The following LDB1 variants were observed in gnomAD, a reference collection of about 807,000 sequenced individuals.
LDB1 encodes LIM domain-binding protein 1.
A neutral mutation model predicts 49.7 loss-of-function variants in LDB1; 6 were observed. The observed-to-expected ratio is 0.12, with a 90% CI of 0.07 to 0.24. The LOEUF is 0.24. Among genes scored for constraint, LDB1 ranks in the 10% least tolerant of loss-of-function variants. LDB1 has a pLI of 1.00. For synonymous variants in LDB1, 233 were observed against 202.0 expected, an observed-to-expected ratio of 1.15 and a Z score of -1.30; for missense variants, 341 against 561.7, an observed-to-expected ratio of 0.61 and a Z score of 3.97.
chr10:102,108,811 T>C (rs1181386549), intron 10 of LDB1, among the ~76,000 whole-genome samples: 1 of 152,188 alleles, frequency 6.6e-6, no homozygotes, highest in Non-Finnish European at 1.5e-5. Flanking sequence ...TCTCTGTCCC[T>C]TTATGCCCTA....
chr10:102,113,084 C>A (rs2068279053), intron 1 of LDB1, among the ~76,000 whole-genome samples: 1 of 152,188 alleles, frequency 6.6e-6, no homozygotes, highest in African/African-American at 2.4e-5. Context: ...ATCTAGATCT[C>A]CTCCCCAACT....
chr10:102,114,363 CT>C (rs1352468476), intron 1 of LDB1: 2 of 986,196 alleles, frequency 2.0e-6, no homozygotes, highest in Non-Finnish European at 2.4e-6. Context: ...GGCTGAGGGC[CT>C]TCCGCCCACC....
rs1158799771 is a variant in LDB1 at position 102,117,215 on chromosome 10, C to T, written c.25+2871G>A. 3.3e-5 allele frequency among the ~76,000 whole-genome samples: 5 copies of T among 152,248 alleles called. No homozygotes were observed. In the East Asian group the frequency reaches 7.7e-4, roughly 24 times the overall value. On this transcript the variant is annotated intron_variant, in intron 1 of 10. Coordinates refer to ENST00000673968, the MANE Select transcript of LDB1 (RefSeq NM_001113407.3). The surrounding 1 kb of genome is among the most constrained non-coding windows in gnomAD (Gnocchi z 4.2). ...CTCAGACAGGAGGGACTACAAGGGC[C>T]CTCCAGTCTCGCTGTGGGGTGGAGG...
At chr10:102,114,122 C>T (rs954364413) in intron 1 of LDB1, among the ~76,000 whole-genome samples, 1 of 152,222 alleles carries the variant, frequency 6.6e-6, no homozygotes, top group Non-Finnish European at 1.5e-5. Flanking sequence ...AAATTGGAAG[C>T]CTTTAGGAAG....
At chr10:102,120,645 G>A (rs577527843), upstream of LDB1, among the ~76,000 whole-genome samples, 464 of 152,314 alleles carry the variant, frequency 3.0e-3, 1 homozygote, top group African/African-American at 0.01. Context: ...AGCGCTCGGG[G>A]AACGGCATGC....
intron 1 of LDB1, among the ~76,000 whole-genome samples, chr10:102,115,960 C>T (rs1259316466): frequency 6.6e-6 from 1 of 151,856 alleles, no homozygotes; most frequent in Non-Finnish European, 1.5e-5. Context: ...GAAGGGGGAG[C>T]ACGAACCTTC....
intron 1 of LDB1, 130 bp downstream of exon 1, chr10:102,119,956 T>G: frequency 1.7e-6 from 1 of 604,292 alleles, no homozygotes; most frequent in Non-Finnish European, 2.6e-6. Context: ...AGGCCCCGCG[T>G]AGCCCTTCCA....
chr10:102,105,454 C>A (rs2068149596), downstream of LDB1, among the ~76,000 whole-genome samples: 1 of 151,970 alleles, frequency 6.6e-6, no homozygotes, highest in African/African-American at 2.4e-5. Context: ...TATTTCAGGT[C>A]CAGGGAGAAC....
intron 1 of LDB1, among the ~76,000 whole-genome samples, chr10:102,113,997 C>T (rs1191172068): frequency 6.6e-6 from 1 of 152,220 alleles, no homozygotes; most frequent in East Asian, 1.9e-4. Context: ...CCCAGACCAT[C>T]TGTCCCTGTT....
In LDB1 at chr10:102,109,515, T is replaced by C; in HGVS notation, c.733-8A>G. 6.2e-7 allele frequency: 1 copy of C among 1,613,398 alleles called. No individual in the cohort carries two copies. The highest frequency in any genetic ancestry group is 8.5e-7 in the Non-Finnish European group (1 of 1,179,868). ...CTCGAGTATCACACAGAGCTAGGGG[T>C]AGACAAGGAGGTGGCTTGTCAGGGG... is the stretch of plus-strand genomic sequence containing the variant. On this transcript the variant is annotated splice_polypyrimidine_tract_variant and splice_region_variant and intron_variant, in intron 8 of 10. Transcript: ENST00000673968. This position sits in a 1 kb window ranked among gnomAD's most constrained non-coding sequence, Gnocchi z 5.8.
At chr10:102,111,218 A>C in intron 3 of LDB1, 38 bp downstream of exon 3, 1 of 1,613,288 alleles carries the variant, frequency 6.2e-7, no homozygotes, top group Non-Finnish European at 8.5e-7. Context: ...GCCTTCACCC[A>C]GTGGAAAGCA....
In LDB1 at chr10:102,110,930, G is replaced by A; in HGVS notation, c.291C>T (p.Phe97=). The A allele has an allele frequency of 6.2e-7, 1 of 1,614,072 alleles. No homozygotes were observed. Among genetic ancestry groups the A allele is most frequent in the Non-Finnish European group, 8.5e-7 (1 of 1,179,994 alleles). Residue 97 remains phenylalanine, a synonymous_variant, in exon 5 of 11, where the codon TTC becomes TTT. Coordinates refer to ENST00000673968, the MANE Select transcript of LDB1 (RefSeq NM_001113407.3). ...TGGTCAACATGGCATCATCCTCAAA[G>A]AACTCAGTCGTGAATGCATCCCACC... ...NLWWDAFTTE[F]FEDDAMLTIT... is the part of the protein sequence containing the mutation.
At chr10:102,104,151 A>G (rs1212971267), downstream of LDB1, among the ~76,000 whole-genome samples, 3 of 152,034 alleles carry the variant, frequency 2.0e-5, no homozygotes, top group Admixed American at 2.0e-4. Context: ...GTTCCTAGGA[A>G]AGGGGATGGA....
chr10:102,120,712 G>T (rs562132636), upstream of LDB1, among the ~76,000 whole-genome samples: 2 of 152,306 alleles, frequency 1.3e-5, no homozygotes, highest in East Asian at 3.9e-4. Context: ...GAGGGAGGGC[G>T]AAGGGGAGGG....
chr10:102,110,971 C>T lies in LDB1; in HGVS notation c.250G>A (p.Glu84Lys). ...GCATCCCACCAGAGATTGTCACACT[C>T]CTAGGGAGCATGGTAACGGGTGTTC... ...LNKRLQNWTEECDNLWWDAFT... is the reference protein window; with the variant it reads ...LNKRLQNWTEKCDNLWWDAFT... Residue 84 changes from glutamate to lysine, a missense_variant and splice_region_variant, in exon 5 of 11, where the codon GAG becomes AAG. By Grantham distance (56) the Glu-to-Lys change is moderately conservative. Coordinates refer to ENST00000673968, the MANE Select transcript of LDB1 (RefSeq NM_001113407.3). The T allele has an allele frequency of 6.2e-7, 1 of 1,613,826 alleles. No homozygotes were observed. The highest frequency in any genetic ancestry group is 8.5e-7 in the Non-Finnish European group (1 of 1,179,740).
chr10:102,114,812 G>GGGGGGGCCCCCC, intron 1 of LDB1: 1 of 929,804 alleles, frequency 1.1e-6, no homozygotes, highest in Non-Finnish European at 1.3e-6. Flanking sequence ...CCTCCGAGCA[G>GGGGGGGCCCCCC]CCCGCCCGCC....
chr10:102,112,089 C>T (rs766088027), intron 1 of LDB1, among the ~76,000 whole-genome samples: 2 of 152,198 alleles, frequency 1.3e-5, no homozygotes, highest in African/African-American at 4.8e-5. Context: ...GATCCCATTT[C>T]TTCATTTGGC....
chr10:102,120,429 C>T (rs1017732947), upstream of LDB1: 1 of 980,000 alleles, frequency 1.0e-6, no homozygotes, highest in African/African-American at 1.8e-5. Context: ...GCCGCCGTCG[C>T]CGAGCGCCCC....
chr10:102,105,096 C>T (rs2068145241), downstream of LDB1, among the ~76,000 whole-genome samples: 1 of 152,196 alleles, frequency 6.6e-6, no homozygotes, highest in South Asian at 2.1e-4. Flanking sequence ...CTCCCTAGCT[C>T]AGCAGCACAT....
Sources: allele counts gnomAD v4.1 joint callset (sites outside exome capture counted in the v4.1 genomes callset), GRCh38; gene constraint gnomAD v4.1.1; non-coding constraint Gnocchi (gnomAD v3.1); transcripts MANE v1.5; gene names NCBI Gene and HGNC (gene_info 2026-07-23, HGNC 2026-07-21).